The following RADIL variants were observed in gnomAD, a reference collection of about 807,000 sequenced individuals.
RADIL encodes the protein ras-associating and dilute domain-containing protein.
RADIL carries 99 observed loss-of-function variants against 97.6 expected under a neutral mutation model. The observed-to-expected ratio is 1.01, with a 90% CI of 0.86 to 1.20. The LOEUF (loss-of-function observed/expected upper bound fraction) is 1.20. Ranked by LOEUF, RADIL falls within the 50% of genes most tolerant of loss-of-function variation. The probability of loss-of-function intolerance (pLI) is 0.00; values close to 1 mark genes in which losing one functional copy is unlikely to be tolerated. For missense variants in RADIL, 1,765 were observed against 1,498.9 expected, an observed-to-expected ratio of 1.18 and a Z score of -2.93; for synonymous variants, 803 against 691.8, an observed-to-expected ratio of 1.16 and a Z score of -2.52.
chr7:4,870,432 T>A (rs931499537), intron 2 of RADIL, among the ~76,000 whole-genome samples: 1 of 151,986 alleles, frequency 6.6e-6, no homozygotes, highest in African/African-American at 2.4e-5. Context: ...TTAACGTGGT[T>A]TTTTGTTTTG....
chr7:4,799,905 C>T (rs926632839), intron 13 of RADIL, 136 bp from the exon 14 acceptor site: 12 of 1,321,996 alleles, frequency 9.1e-6, no homozygotes, highest in Non-Finnish European at 1.2e-5. Context: ...TTCACGCGTC[C>T]CTCCAGAAAA....
In RADIL at chr7:4,835,177, G is replaced by C. The variant is rs1471581645; in HGVS notation, c.846C>G (p.Ser282Arg). Residue 282 changes from serine (S) to arginine (R), a missense_variant, in exon 4 of 15, where the codon AGC becomes AGG. Ser to Arg is a moderately radical substitution (Grantham distance 110). Coordinates refer to ENST00000399583, the MANE Select transcript of RADIL (RefSeq NM_018059.5). This position sits in a 1 kb window ranked among gnomAD's most constrained non-coding sequence, Gnocchi z 5.8. ...RHTVGQRTPS[S>R]KPSISLSAPD... The stretch of plus-strand genomic sequence containing the variant: ...GGGCTGAGAGGCTGATGCTGGGCTT[G>C]CTGGAGGGGGTCCGCTGGCCCACCG... The C allele has an allele frequency of 8.7e-6, 14 of 1,612,024 alleles. No individual in the cohort carries two copies. Among genetic ancestry groups the C allele is most frequent in the Non-Finnish European group, 1.2e-5 (14 of 1,179,676 alleles).
At chr7:4,845,240 CA>C (rs1301141742) in intron 2 of RADIL, among the ~76,000 whole-genome samples, 20 of 152,066 alleles carry the variant, frequency 1.3e-4, no homozygotes, top group Non-Finnish European at 2.9e-5. Context: ...GGCAACACAG[CA>C]AGACCCCAAA....
chr7:4,802,438 G>C (rs1164147856), intron 11 of RADIL, among the ~76,000 whole-genome samples: 36 of 140,612 alleles, frequency 2.6e-4, no homozygotes, highest in African/African-American at 9.3e-4. Context: ...GGGCACGCTG[G>C]CTGGGCCCCC....
rs76044911 is a variant in RADIL, at chr7:4,880,653, G to A, written c.-64-2450C>T. 7.2e-5 allele frequency among the ~76,000 whole-genome samples: 11 copies of A among 152,194 alleles called. No individual in the cohort carries two copies. Among genetic ancestry groups the A allele is most frequent in the African/African-American group, 2.2e-4 (9 of 41,440 alleles). On this transcript the variant is annotated intron_variant, in intron 1 of 14. Coordinates refer to ENST00000399583, the MANE Select transcript of RADIL (RefSeq NM_018059.5). This position sits in a 1 kb window ranked among gnomAD's most constrained non-coding sequence, Gnocchi z 4.5. ...CCTTTTCATAGTGCTCATTTCCAAC[G>A]GGTTCCCCAGGGTGCAAAGGCAAAG...
At chr7:4,862,273 T>C (rs931922502) in intron 2 of RADIL, among the ~76,000 whole-genome samples, 4 of 152,218 alleles carry the variant, frequency 2.6e-5, no homozygotes, top group Admixed American at 2.0e-4. Context: ...TGCATCCTTT[T>C]TGGGGGCACC....
intron 11 of RADIL, among the ~76,000 whole-genome samples, chr7:4,802,694 C>T (rs1373510625): frequency 1.4e-3 from 103 of 76,064 alleles, no homozygotes; most frequent in African/African-American, 2.9e-3. Flanking sequence ...CCTCGGGGCA[C>T]GCTGGCTGGG....
Position 4,834,968 on chromosome 7 carries a change from A to C in RADIL, c.1055T>G (p.Leu352Arg), listed in dbSNP as rs550674137. 4 of 1,609,650 alleles carry C rather than the reference A, an allele frequency of 2.5e-6. No individual in the cohort carries two copies. In the East Asian group the frequency reaches 8.9e-5, roughly 36 times the overall value. ...GDLLSLGLYYLLLFKDPAQAQ... is the reference protein window; with the variant it reads ...GDLLSLGLYYRLLFKDPAQAQ... ...CTGCGCGGGGTCCTTGAATAGCAGC[A>C]GGTAGTAGAGCCCCAGGGAGAGCAG... The change falls in exon 4 of 15, where the codon CTG becomes CGG. Residue 352 changes from leucine to arginine, a missense_variant. Leu to Arg is a moderately radical substitution (Grantham distance 102). Coordinates refer to ENST00000399583, the MANE Select transcript of RADIL (RefSeq NM_018059.5). This position sits in a 1 kb window ranked among gnomAD's most constrained non-coding sequence, Gnocchi z 6.0.
At chr7:4,852,333 T>A (rs779949738) in intron 2 of RADIL, among the ~76,000 whole-genome samples, 2 of 152,162 alleles carry the variant, frequency 1.3e-5, no homozygotes, top group African/African-American at 4.8e-5. Flanking sequence ...GCTGAGAGAC[T>A]ACCCCAGGCC....
rs772938839 is a variant in RADIL, at chr7:4,817,190, C to A, written c.1728+49G>T. On this transcript the variant is annotated intron_variant, in intron 7 of 14. Transcript: ENST00000399583. This position sits in a 1 kb window ranked among gnomAD's most constrained non-coding sequence, Gnocchi z 8.3. ...GCCACAGGCACAAGCTTGAGCCCCA[C>A]TTGATCCCAGGAGCTGCCTGAGTGC... 1 of 1,537,888 alleles carries A rather than the reference C, an allele frequency of 6.5e-7. No individual in the cohort carries two copies.
chr7:4,828,870 C>T (rs1212098113), intron 5 of RADIL, among the ~76,000 whole-genome samples: 5 of 152,196 alleles, frequency 3.3e-5, no homozygotes, highest in South Asian at 2.1e-4. Context: ...TTCCCGTCAA[C>T]GAGGAAGCTG....
chr7:4,835,623 C>T lies in RADIL; in HGVS notation c.784-384G>A, dbSNP rs145708247. 1.6e-3 allele frequency among the ~76,000 whole-genome samples: 245 copies of T among 151,238 alleles called. No homozygotes were observed. Among genetic ancestry groups the T allele is most frequent in the African/African-American group, 5.6e-3 (229 of 40,906 alleles). ...AGCACTGCCGCCTGTGTGGGAGCAC[C>T]ACCCCCAGTGTGGGAGCACTGCCGC... On this transcript the variant is annotated intron_variant, in intron 3 of 14. Transcript: ENST00000399583. This position sits in a 1 kb window ranked among gnomAD's most constrained non-coding sequence, Gnocchi z 5.8.
At chr7:4,846,277 GC>G (rs954833165) in intron 2 of RADIL, among the ~76,000 whole-genome samples, 18 of 152,068 alleles carry the variant, frequency 1.2e-4, no homozygotes, top group Admixed American at 1.1e-3. Context: ...CTCCTGAGTA[GC>G]TGGAATTACG....
rs373542421 is a variant in RADIL at position 4,803,666 on chromosome 7, G to C, written c.2379C>G (p.Asp793Glu). ...AGAGCAGGTGCTGGTAGATGCTGTC[G>C]TCCAGGCAGTTGGCTTCCAAGTCCA... ...FQVDLEANCL[D>E]DSIYQHLLYV... The change falls in exon 11 of 15, where the codon GAC becomes GAG. Residue 793 changes from aspartate (D) to glutamate (E), a missense_variant. Physicochemically the swap from Asp to Glu is conservative, Grantham distance 45. Transcript: ENST00000399583. The C allele has an allele frequency of 1.3e-6, 2 of 1,553,452 alleles. No homozygotes were observed. The highest frequency in any genetic ancestry group is 2.4e-5 in the East Asian group (1 of 41,104).
chr7:4,808,136 CTCTCTCCCCCGTCCT>C (rs1161392536), intron 9 of RADIL, among the ~76,000 whole-genome samples: 2 of 128,924 alleles, frequency 1.6e-5, no homozygotes, highest in African/African-American at 6.3e-5. Flanking sequence ...TCCCCTCTTC[CTCTCTCCCCCGTCCT>C]TCTCTCTCTC....
At chr7:4,823,073 C>T (rs1301699523) in intron 5 of RADIL, among the ~76,000 whole-genome samples, 1 of 152,154 alleles carries the variant, frequency 6.6e-6, no homozygotes, top group East Asian at 1.9e-4. Context: ...TTTATTAAAG[C>T]AGGAAGTCAG....
In RADIL at chr7:4,817,409, A is replaced by C; in HGVS notation, c.1616-58T>G. 1 of 1,476,658 alleles carries C rather than the reference A, an allele frequency of 6.8e-7. No homozygotes were observed. Among genetic ancestry groups the C allele is most frequent in the South Asian group, 1.2e-5 (1 of 82,710 alleles). 91.5% of individuals were successfully genotyped at this position (1,476,658 alleles called of 1,614,324 possible). Reference sequence around the variant, plus strand: ...CGGGCACAGCGCTCAGGAACGCAGCAACTCAGCCAGCCGCCAGCTCTTTCC... The same window carrying C: ...CGGGCACAGCGCTCAGGAACGCAGCCACTCAGCCAGCCGCCAGCTCTTTCC... On this transcript the variant is annotated intron_variant, in intron 6 of 14. Transcript: ENST00000399583. The surrounding 1 kb of genome is among the most constrained non-coding windows in gnomAD (Gnocchi z 8.3).
intron 2 of RADIL, among the ~76,000 whole-genome samples, chr7:4,871,273 A>G (rs1008692594): frequency 1.3e-5 from 2 of 152,252 alleles, no homozygotes; most frequent in Non-Finnish European, 2.9e-5. Flanking sequence ...GATAAGAGTT[A>G]TTTTCAAGTC....
Position 4,842,697 on chromosome 7 carries a change from T to C in RADIL, c.536-6092A>G, listed in dbSNP as rs6966725. On this transcript the variant is annotated intron_variant, in intron 2 of 14. Coordinates refer to ENST00000399583, the MANE Select transcript of RADIL (RefSeq NM_018059.5). This position sits in a 1 kb window ranked among gnomAD's most constrained non-coding sequence, Gnocchi z 4.5. ...TTTCTCTTCCCTCCCTGGCTCTTGATGGTTTGGAATAATGATATATACAAC... is the reference window on the plus strand; with the variant it reads ...TTTCTCTTCCCTCCCTGGCTCTTGACGGTTTGGAATAATGATATATACAAC... 0.54 allele frequency among the ~76,000 whole-genome samples: 82,591 copies of C among 152,064 alleles called. 23,810 individuals carry two copies. Among genetic ancestry groups the C allele is most frequent in the African/African-American group, 0.74 (30,827 of 41,488 alleles).
Sources: gnomAD v4.1 joint callset for allele counts (sites outside exome capture counted in the v4.1 genomes callset) on GRCh38, gnomAD v4.1.1 for gene constraint, Gnocchi (gnomAD v3.1) non-coding constraint, MANE v1.5 for transcripts, NCBI Gene and HGNC (gene_info 2026-07-23, HGNC 2026-07-21) for gene names.